ASTN2: variants seen among roughly 807,000 people sequenced by gnomAD.
ASTN2 encodes astrotactin 2.
ASTN2 carries 54 observed loss-of-function variants against 139.8 expected under a neutral mutation model. That is an observed-to-expected ratio of 0.39 (90% CI 0.31 to 0.48). The LOEUF is 0.48. Among genes scored for constraint, ASTN2 ranks in the 20% least tolerant of loss-of-function variants. The pLI is 0.95. For synonymous variants in ASTN2, 756 were observed against 719.5 expected, an observed-to-expected ratio of 1.05 and a Z score of -0.81; for missense variants, 1,565 against 1,725.1, an observed-to-expected ratio of 0.91 and a Z score of 1.64.
chr9:117,181,318 CA>C (rs1831060490), intron 3 of ASTN2: 1 of 405,304 alleles, frequency 2.5e-6, no homozygotes, highest in African/African-American at 2.0e-5. Flanking sequence ...TGCCCCAGGT[CA>C]AAGAGCTGGT....
At chr9:117,322,886 C>G (rs1828378879) in intron 1 of ASTN2, among the ~76,000 whole-genome samples, 1 of 152,164 alleles carries the variant, frequency 6.6e-6, no homozygotes, top group South Asian at 2.1e-4. Flanking sequence ...ACTCTCCTGT[C>G]TCTGGTGGTG....
chr9:116,992,233 C>T (rs1836881210), intron 7 of ASTN2, among the ~76,000 whole-genome samples: 2 of 152,170 alleles, frequency 1.3e-5, no homozygotes, highest in African/African-American at 4.8e-5. Flanking sequence ...CACTAAGTTA[C>T]TGAATTACTA....
At chr9:117,373,317 C>T (rs367877616) in intron 1 of ASTN2, among the ~76,000 whole-genome samples, 14 of 152,202 alleles carry the variant, frequency 9.2e-5, no homozygotes, top group African/African-American at 2.9e-4. Flanking sequence ...TGCTAAGATG[C>T]TTTTTAATGA....
At chr9:116,759,000 C>T (rs896166499) in intron 13 of ASTN2, among the ~76,000 whole-genome samples, 1 of 152,130 alleles carries the variant, frequency 6.6e-6, no homozygotes, top group Non-Finnish European at 1.5e-5. Flanking sequence ...CCCAAGCATT[C>T]CTCCTGCTTG....
At chr9:116,452,422 CT>C (rs1848202561) in intron 20 of ASTN2, among the ~76,000 whole-genome samples, 1 of 152,198 alleles carries the variant, frequency 6.6e-6, no homozygotes, top group African/African-American at 2.4e-5. Context: ...TTTGCCCTCT[CT>C]GCACCTCAGT....
rs143370641 is a variant in ASTN2, at chr9:117,230,411, C to T, written c.631-15669G>A. 4.7e-3 allele frequency among the ~76,000 whole-genome samples: 721 copies of T among 152,234 alleles called. 12 individuals carry two copies. Among genetic ancestry groups the T allele is most frequent in the African/African-American group, 0.016 (678 of 41,542 alleles). On this transcript the variant is annotated intron_variant, in intron 2 of 22. Coordinates refer to ENST00000313400, the MANE Select transcript of ASTN2 (RefSeq NM_001365068.1). Reference sequence around the variant, plus strand: ...TCCATCTTCAAATCACCTTCTTCTCCCCTGTGTCTCTCTCCATCTCCTCTT... The same window carrying T: ...TCCATCTTCAAATCACCTTCTTCTCTCCTGTGTCTCTCTCCATCTCCTCTT...
At chr9:117,332,027 A>G (rs1433695977) in intron 1 of ASTN2, among the ~76,000 whole-genome samples, 1 of 152,174 alleles carries the variant, frequency 6.6e-6, no homozygotes, top group Non-Finnish European at 1.5e-5. Flanking sequence ...AACCCAGAAA[A>G]CTAGAAAATG....
rs114151274 is a variant in ASTN2, at chr9:116,937,986, C to T, written c.1889+37222G>A. Among the ~76,000 whole-genome samples the T allele has an allele frequency of 4.7e-3, 721 of 152,246 alleles. 8 individuals are homozygous for T. The highest frequency in any genetic ancestry group is 0.017 in the African/African-American group (701 of 41,542). On this transcript the variant is annotated intron_variant, in intron 10 of 22. Coordinates refer to ENST00000313400, the MANE Select transcript of ASTN2 (RefSeq NM_001365068.1). ...CTTTTCATACATAATTTCTAATTTT[C>T]TCGGCAACCTTTGTGAGATAGGCAT... is the stretch of plus-strand genomic sequence containing the variant.
At chr9:117,091,820 G>A (rs776120103) in intron 5 of ASTN2, among the ~76,000 whole-genome samples, 40 of 152,134 alleles carry the variant, frequency 2.6e-4, no homozygotes, top group Non-Finnish European at 5.4e-4. Flanking sequence ...CTTCTAAGAG[G>A]AGAAACAACA....
chr9:116,981,727 A>G (rs1836517565), intron 7 of ASTN2, among the ~76,000 whole-genome samples: 1 of 152,236 alleles, frequency 6.6e-6, no homozygotes, highest in African/African-American at 2.4e-5. Flanking sequence ...GTTTTCTAAA[A>G]ATGAGAGCAT....
intron 11 of ASTN2, among the ~76,000 whole-genome samples, chr9:116,853,479 G>A (rs1168493962): frequency 6.6e-6 from 1 of 152,144 alleles, no homozygotes; most frequent in Non-Finnish European, 1.5e-5. Flanking sequence ...AAGTTCTGTA[G>A]TCATGGCTTC....
At chr9:116,896,716 G>A (rs549462321) in intron 10 of ASTN2, among the ~76,000 whole-genome samples, 1 of 152,310 alleles carries the variant, frequency 6.6e-6, no homozygotes, top group African/African-American at 2.4e-5. Flanking sequence ...AGAAGGGGAA[G>A]CAGGGACGTC....
At chr9:117,177,401 C>T (rs1005187455) in intron 3 of ASTN2, among the ~76,000 whole-genome samples, 13 of 152,132 alleles carry the variant, frequency 8.5e-5, no homozygotes, top group Admixed American at 2.6e-4. Flanking sequence ...GCATTCTCTC[C>T]ACCGCCCGGT....
chr9:117,091,711 A>G (rs1037311817), intron 5 of ASTN2, among the ~76,000 whole-genome samples: 3 of 152,078 alleles, frequency 2.0e-5, no homozygotes, highest in Non-Finnish European at 2.9e-5. Context: ...GAAGGAGCGG[A>G]CAGAGCCCTG....
intron 1 of ASTN2, among the ~76,000 whole-genome samples, chr9:117,295,236 C>T (rs1213404856): frequency 2.6e-5 from 4 of 152,066 alleles, no homozygotes; most frequent in South Asian, 2.1e-4. Flanking sequence ...GCCCAAGAAT[C>T]GCTTGAACTC....
chr9:116,687,161 C>T, intron 16 of ASTN2: 1 of 1,069,736 alleles, frequency 9.3e-7, no homozygotes, highest in Non-Finnish European at 1.1e-6. Flanking sequence ...GCTAAGGCCC[C>T]GGGTTCTCAG....
chr9:117,349,634 C>T (rs1247458294), intron 1 of ASTN2, among the ~76,000 whole-genome samples: 12 of 152,076 alleles, frequency 7.9e-5, no homozygotes. Flanking sequence ...GCTTAATTGC[C>T]CTCTCCTTCA....
chr9:116,704,824 G>C (rs923022707), intron 16 of ASTN2, among the ~76,000 whole-genome samples: 2 of 152,100 alleles, frequency 1.3e-5, no homozygotes, highest in Admixed American at 6.5e-5. Flanking sequence ...AAGTAATTAA[G>C]ATGGCATCTT....
At chr9:117,338,811 A>C (rs1383859949) in intron 1 of ASTN2, among the ~76,000 whole-genome samples, 2 of 151,788 alleles carry the variant, frequency 1.3e-5, no homozygotes, top group Non-Finnish European at 2.9e-5. Context: ...GCACCAACCT[A>C]ATATCTTAAC....
Sources: allele counts gnomAD v4.1 joint callset (sites outside exome capture counted in the v4.1 genomes callset), GRCh38; gene constraint gnomAD v4.1.1; transcripts MANE v1.5; gene names NCBI Gene and HGNC (gene_info 2026-07-23, HGNC 2026-07-21).